The following FGD4 variants were observed in gnomAD, a reference collection of about 807,000 sequenced individuals.
FGD4 encodes the protein FYVE, RhoGEF and PH domain containing 4.
A neutral mutation model predicts 102.0 loss-of-function variants in FGD4; 42 were observed. The observed-to-expected ratio is 0.41, with a 90% CI of 0.32 to 0.53. The LOEUF is 0.53. Ranked by LOEUF, FGD4 falls within the 20% of genes least tolerant of loss-of-function variation. FGD4 has a pLI of 0.21. For synonymous variants in FGD4, 380 were observed against 375.7 expected, an observed-to-expected ratio of 1.01 and a Z score of -0.13; for missense variants, 902 against 1,078.2, an observed-to-expected ratio of 0.84 and a Z score of 2.29.
At chr12:32,576,617 C>T (rs1946147641) in intron 3 of FGD4, among the ~76,000 whole-genome samples, 168 bp downstream of exon 3, 1 of 152,190 alleles carries the variant, frequency 6.6e-6, no homozygotes, top group Non-Finnish European at 1.5e-5. Context: ...TAATCTTACC[C>T]TAATATGAAC....
intron 1 of FGD4, among the ~76,000 whole-genome samples, chr12:32,412,898 A>ATTT (rs1203601981): frequency 1.2e-5 from 1 of 83,946 alleles, no homozygotes; most frequent in Non-Finnish European, 2.2e-5. Flanking sequence ...CTTTTCTAGA[A>ATTT]ATTTTTTTTT....
intron 3 of FGD4, among the ~76,000 whole-genome samples, chr12:32,579,283 A>T (rs1392857744): frequency 6.6e-6 from 1 of 151,984 alleles, no homozygotes; most frequent in Non-Finnish European, 1.5e-5. Flanking sequence ...ACCTCAGGTG[A>T]TCTGCCCGCC....
intron 15 of FGD4, among the ~76,000 whole-genome samples, chr12:32,637,241 C>T (rs1950890077): frequency 6.6e-6 from 1 of 151,736 alleles, no homozygotes; most frequent in South Asian, 2.1e-4. Context: ...TTAAATGGCT[C>T]TATGTATTAG....
Position 32,524,404 on chromosome 12 carries a change from A to T in FGD4, c.167-39733A>T, listed in dbSNP as rs994641562. The stretch of plus-strand genomic sequence containing the variant: ...GAGGGAGACTCTGTCTCAAAAAAAA[A>T]AAAAAAAAAAAAGATAAATTACCTG... On this transcript the variant is annotated intron_variant, in intron 1 of 16. Coordinates refer to ENST00000534526, the MANE Select transcript of FGD4 (RefSeq NM_001370298.3). Among the ~76,000 whole-genome samples the T allele has an allele frequency of 4.6e-4, 70 of 151,340 alleles. No individual in the cohort carries two copies. In the East Asian group the frequency reaches 0.01, roughly 22 times the overall value.
rs564869896 is a variant in FGD4 at position 32,504,469 on chromosome 12, A to G, written c.167-59668A>G. On this transcript the variant is annotated intron_variant, in intron 1 of 16. Transcript: ENST00000534526. ...TCTTATAGTAGGGAATTTAGGATTT[A>G]GAATGTACTGAATTCGCGTGTCCAC... 2.6e-5 allele frequency among the ~76,000 whole-genome samples: 4 copies of G among 152,324 alleles called. No homozygotes were observed. In the South Asian group the frequency reaches 8.3e-4, roughly 32 times the overall value.
chr12:32,644,307 A>G lies in FGD4; in HGVS notation c.*3774A>G, dbSNP rs1177094347. 1 of 152,132 alleles carries G rather than the reference A, an allele frequency of 6.6e-6. No individual in the cohort carries two copies. The allele number at this position is 152,132 out of a possible 1,614,324, so 9.4% of individuals were successfully genotyped here. On this transcript the variant is annotated 3_prime_UTR_variant, in exon 17 of 17. Coordinates refer to ENST00000534526, the MANE Select transcript of FGD4 (RefSeq NM_001370298.3). ...GAATCAAACTTCTTGTTATTTGCAT[A>G]CTATTATCTACTATAGATTCTCAGC...
At chr12:32,446,955 G>C (rs1489544105) in intron 1 of FGD4, among the ~76,000 whole-genome samples, 1 of 152,202 alleles carries the variant, frequency 6.6e-6, no homozygotes, top group African/African-American at 2.4e-5. Context: ...GTTATTGTGA[G>C]CAGCAGACAG....
intron 4 of FGD4, among the ~76,000 whole-genome samples, chr12:32,587,631 T>G (rs1466963862): frequency 6.6e-6 from 1 of 152,100 alleles, no homozygotes; most frequent in African/African-American, 2.4e-5. Flanking sequence ...GCTCAAGTGA[T>G]CCACCCGCCT....
At chr12:32,578,703 G>A (rs1476525999) in intron 3 of FGD4, among the ~76,000 whole-genome samples, 2 of 151,936 alleles carry the variant, frequency 1.3e-5, no homozygotes, top group African/African-American at 4.8e-5. Flanking sequence ...GGTGGTGCAC[G>A]CCTGTGGTCC....
intron 1 of FGD4, among the ~76,000 whole-genome samples, chr12:32,421,862 C>T (rs1011201886): frequency 1.3e-5 from 2 of 152,022 alleles, no homozygotes; most frequent in Non-Finnish European, 1.5e-5. Flanking sequence ...GACTATAGGC[C>T]GGGCGCAGTG....
chr12:32,613,592 C>T (rs12311077), intron 10 of FGD4, among the ~76,000 whole-genome samples: 21,948 of 151,818 alleles, frequency 0.14, 1,761 homozygotes, highest in Middle Eastern at 0.26. Context: ...CCTGTCTCTA[C>T]AAAAAATTTA....
At chr12:32,632,747 A>AC (rs1950568816) in intron 14 of FGD4, among the ~76,000 whole-genome samples, 1 of 145,324 alleles carries the variant, frequency 6.9e-6, no homozygotes. Context: ...TTGCTTTGTC[A>AC]CCCAGGCTGG....
chr12:32,459,803 A>G (rs1272865037), intron 1 of FGD4, among the ~76,000 whole-genome samples: 2 of 151,958 alleles, frequency 1.3e-5, no homozygotes, highest in Admixed American at 6.6e-5. Flanking sequence ...GGCTCAAGCA[A>G]TCCTCTGGCC....
intron 1 of FGD4, among the ~76,000 whole-genome samples, chr12:32,495,709 A>AAAAAAAAAAAAAAAAAC (rs1937769027): frequency 6.6e-6 from 1 of 150,870 alleles, no homozygotes; most frequent in African/African-American, 2.4e-5. Context: ...AAAAAAAAAA[A>AAAAAAAAAAAAAAAAAC]AAAGAAGCTT....
At chr12:32,423,558 T>C (rs1478184193) in intron 1 of FGD4, among the ~76,000 whole-genome samples, 31 of 144,670 alleles carry the variant, frequency 2.1e-4, no homozygotes, top group Admixed American at 9.8e-4. Context: ...CGCCACTGCA[T>C]TCCAGCCTGG....
Position 32,499,601 on chromosome 12 carries a change from T to G in FGD4, c.167-64536T>G, listed in dbSNP as rs1296874520. Among the ~76,000 whole-genome samples, 3 of 152,324 alleles carry G rather than the reference T, an allele frequency of 2.0e-5. No homozygotes were observed. The East Asian group carries it at 5.8e-4, about 29-fold the overall frequency. On this transcript the variant is annotated intron_variant, in intron 1 of 16. Transcript: ENST00000534526. ...AATATGTATAAGAGGAGTAAATATA[T>G]TTTTAGAAGATTATAAAGTTATAAT... is the stretch of plus-strand genomic sequence containing the variant.
intron 2 of FGD4, among the ~76,000 whole-genome samples, chr12:32,569,265 A>G (rs1328354103): frequency 6.6e-6 from 1 of 152,118 alleles, no homozygotes; most frequent in Non-Finnish European, 1.5e-5. Flanking sequence ...CTACATTCTC[A>G]ACACAGCTCC....
At chr12:32,479,698 T>A (rs61927242) in intron 1 of FGD4, among the ~76,000 whole-genome samples, 36,984 of 150,606 alleles carry the variant, frequency 0.25, 4,848 homozygotes, top group Middle Eastern at 0.41. Flanking sequence ...TCCAAATAGT[T>A]ATATTCGTTT....
chr12:32,469,666 GT>G (rs550710652), intron 1 of FGD4, among the ~76,000 whole-genome samples: 4 of 141,202 alleles, frequency 2.8e-5, no homozygotes, highest in African/African-American at 5.2e-5. Flanking sequence ...TTTCTTCTTT[GT>G]TTTTTTTTTG....
Sources: gnomAD v4.1 joint callset for allele counts (sites outside exome capture counted in the v4.1 genomes callset) on GRCh38, gnomAD v4.1.1 for gene constraint, MANE v1.5 for transcripts, NCBI Gene and HGNC (gene_info 2026-07-23, HGNC 2026-07-21) for gene names.